Variants in MYO9A observed in about 807,000 individuals in gnomAD.
MYO9A encodes the protein myosin IXA, also known as unconventional myosin-IXa.
In MYO9A, 103 loss-of-function variants were observed where a neutral mutation model predicts 293.3. The observed-to-expected ratio is 0.35, with a 90% CI of 0.30 to 0.41. The LOEUF (loss-of-function observed/expected upper bound fraction) is 0.41. Among genes scored for constraint, MYO9A ranks in the 10% least tolerant of loss-of-function variants. MYO9A has a pLI of 1.00. For missense variants in MYO9A, 2,685 were observed against 3,033.0 expected, an observed-to-expected ratio of 0.89 and a Z score of 2.69; for synonymous variants, 1,001 against 1,035.7, an observed-to-expected ratio of 0.97 and a Z score of 0.64.
chr15:71,908,694 T>G (rs938509563), intron 19 of MYO9A, among the ~76,000 whole-genome samples: 11 of 152,186 alleles, frequency 7.2e-5, no homozygotes, highest in African/African-American at 2.7e-4. Context: ...TACCCTCACA[T>G]GCACAATTTC....
Position 71,849,427 on chromosome 15 carries a change from C to T in MYO9A, c.6714-459G>A, listed in dbSNP as rs111538528. On this transcript the variant is annotated intron_variant, in intron 38 of 41. Coordinates refer to ENST00000356056, the MANE Select transcript of MYO9A (RefSeq NM_006901.4). ...TCATGCCACTGCACTCCAGCCTAGG[C>T]GACAAGAGTAAAACTCCATCTCAAA... 5.9e-3 allele frequency among the ~76,000 whole-genome samples: 900 copies of T among 151,848 alleles called. 6 individuals are homozygous for T. The highest frequency in any genetic ancestry group is 0.021 in the African/African-American group (869 of 41,348).
intron 10 of MYO9A, among the ~76,000 whole-genome samples, chr15:71,993,373 T>TAAAATA (rs2076596739): frequency 6.7e-6 from 1 of 149,838 alleles, no homozygotes; most frequent in African/African-American, 2.5e-5. Flanking sequence ...AAATTTAAAA[T>TAAAATA]AAAATAAAAA....
intron 1 of MYO9A, among the ~76,000 whole-genome samples, chr15:72,048,926 T>C (rs1207720057): frequency 6.6e-6 from 1 of 152,192 alleles, no homozygotes; most frequent in Non-Finnish European, 1.5e-5. Flanking sequence ...CTCATCTTTT[T>C]TCCGCCGATT....
rs530867132 is a variant in MYO9A at position 72,106,726 on chromosome 15, A to G, written c.-72+10954T>C. ...AGCAAACCTCCCACCTTAGGCTCCC[A>G]AAGTGCTGGGATTACAGGCGTGAGC... On this transcript the variant is annotated intron_variant, in intron 1 of 41. Transcript: ENST00000356056. 9.5e-4 allele frequency among the ~76,000 whole-genome samples: 144 copies of G among 152,292 alleles called. 1 individual carries two copies. Among genetic ancestry groups the G allele is most frequent in the African/African-American group, 3.4e-3 (140 of 41,554 alleles).
In MYO9A at chr15:71,897,555, T is replaced by G. The variant is rs747138214; in HGVS notation, c.4948A>C (p.Thr1650Pro). ...RISKREHFRPTQSYSHNSDDL... is the reference protein window; with the variant it reads ...RISKREHFRPPQSYSHNSDDL... The stretch of plus-strand genomic sequence containing the variant: ...TCAGAATTGTGGCTGTAAGACTGAG[T>G]TGGCCTAAAGTGTTCTCTTTTTGAA... The change falls in exon 25 of 42, where the codon ACT becomes CCT. Residue 1650 changes from threonine (T) to proline (P), a missense_variant. Physicochemically the swap from Thr to Pro is conservative, Grantham distance 38. Coordinates refer to ENST00000356056, the MANE Select transcript of MYO9A (RefSeq NM_006901.4). 4 of 1,614,164 alleles carry G rather than the reference T, an allele frequency of 2.5e-6. No homozygotes were observed. The highest frequency in any genetic ancestry group is 3.3e-5 in the Admixed American group (2 of 60,026).
At chr15:71,851,500 A>G (rs2055646697) in intron 36 of MYO9A, 142 bp from the exon 37 acceptor site, 1 of 544,982 alleles carries the variant, frequency 1.8e-6, no homozygotes, top group Non-Finnish European at 3.2e-6. Context: ...AGAGCAACTC[A>G]CAGTAACTAT....
At chr15:72,090,111 T>G (rs1024245843) in intron 1 of MYO9A, among the ~76,000 whole-genome samples, 3 of 152,202 alleles carry the variant, frequency 2.0e-5, no homozygotes, top group Non-Finnish European at 2.9e-5. Context: ...TAGCAAGTCA[T>G]AAATTACTAC....
intron 11 of MYO9A, among the ~76,000 whole-genome samples, chr15:71,985,306 C>T (rs147218815): frequency 2.2e-4 from 33 of 152,228 alleles, no homozygotes; most frequent in African/African-American, 6.7e-4. Context: ...CTGTTTTGGA[C>T]TGAGTGTTAG....
chr15:72,035,495 C>T (rs548515836), intron 2 of MYO9A, among the ~76,000 whole-genome samples: 4 of 152,258 alleles, frequency 2.6e-5, no homozygotes, highest in South Asian at 2.1e-4. Flanking sequence ...AGATACAACA[C>T]TGAATGAGAG....
chr15:71,946,591 C>A (rs1374931097), intron 15 of MYO9A, among the ~76,000 whole-genome samples: 1 of 152,186 alleles, frequency 6.6e-6, no homozygotes, highest in Non-Finnish European at 1.5e-5. Context: ...ATAGCTATAA[C>A]TGCACTATCC....
At chr15:71,893,386 T>C in intron 26 of MYO9A, 1 of 422,030 alleles carries the variant, frequency 2.4e-6, no homozygotes, top group Non-Finnish European at 4.2e-6. Context: ...GAATGGAAGC[T>C]AAATCTACAC....
At chr15:72,060,661 G>A (rs1210647659) in intron 1 of MYO9A, among the ~76,000 whole-genome samples, 2 of 152,188 alleles carry the variant, frequency 1.3e-5, no homozygotes, top group Non-Finnish European at 2.9e-5. Context: ...TAATCAGAGA[G>A]GAATTGTCCA....
intron 33 of MYO9A, among the ~76,000 whole-genome samples, chr15:71,861,689 A>C (rs1567206682): frequency 6.3e-5 from 9 of 142,596 alleles, no homozygotes; most frequent in Admixed American, 6.8e-5. Flanking sequence ...TAAAAAAAAA[A>C]AAAAAAAAAA....
At chr15:71,918,824 T>C (rs2058079256) in intron 18 of MYO9A, among the ~76,000 whole-genome samples, 1 of 152,190 alleles carries the variant, frequency 6.6e-6, no homozygotes, top group Non-Finnish European at 1.5e-5. Flanking sequence ...CAAAATAAAA[T>C]AACTATTAGA....
In MYO9A at chr15:71,826,562, G is replaced by A. The variant is rs1178901419; in HGVS notation, c.*18C>T. ...TGTTTACCACTCTGTAGCCACGGAG[G>A]GACACACATCTGCCGGTTCAGACCA... is the stretch of plus-strand genomic sequence containing the variant. On this transcript the variant is annotated 3_prime_UTR_variant, in exon 42 of 42. Transcript: ENST00000356056. 38 of 1,558,284 alleles carry A rather than the reference G, an allele frequency of 2.4e-5. No homozygotes were observed. The highest frequency in any genetic ancestry group is 3.2e-5 in the Non-Finnish European group (37 of 1,157,950).
At chr15:72,088,513 C>T (rs1248619256) in intron 1 of MYO9A, among the ~76,000 whole-genome samples, 2 of 152,166 alleles carry the variant, frequency 1.3e-5, no homozygotes, top group Non-Finnish European at 2.9e-5. Flanking sequence ...TACTTTCCAA[C>T]ACATTATCAA....
At chr15:71,978,703 T>TG (rs1236529567) in intron 11 of MYO9A, among the ~76,000 whole-genome samples, 1 of 151,974 alleles carries the variant, frequency 6.6e-6, no homozygotes, top group Non-Finnish European at 1.5e-5. Context: ...CTGGGAAAAG[T>TG]GGGACCCCAT....
intron 13 of MYO9A, among the ~76,000 whole-genome samples, chr15:71,963,690 G>C (rs1329687018): frequency 6.6e-6 from 1 of 152,122 alleles, no homozygotes; most frequent in Non-Finnish European, 1.5e-5. Flanking sequence ...GACCTCAGGT[G>C]ATCTGCCTGC....
intron 2 of MYO9A, among the ~76,000 whole-genome samples, chr15:72,041,000 T>G (rs1472311047): frequency 6.6e-6 from 1 of 152,192 alleles, no homozygotes. Flanking sequence ...ATTCTAGCAC[T>G]TTGGGAAGCC....
Sources: gnomAD v4.1 joint callset for allele counts (sites outside exome capture counted in the v4.1 genomes callset) on GRCh38, gnomAD v4.1.1 for gene constraint, MANE v1.5 for transcripts, NCBI Gene and HGNC (gene_info 2026-07-23, HGNC 2026-07-21) for gene names.